Variants in TUSC3 observed in about 807,000 individuals in gnomAD.
TUSC3 encodes the protein tumor suppressor candidate 3, also known as dolichyl-diphosphooligosaccharide--protein glycosyltransferase subunit TUSC3.
Under a neutral mutation model 44.8 loss-of-function variants are expected in TUSC3, and 45 were observed. The ratio of observed to expected loss-of-function variants is 1.00; its 90% CI spans 0.79 to 1.29. The LOEUF is 1.29. Among genes scored for constraint, TUSC3 ranks in the 50% most tolerant of loss-of-function variants. TUSC3 has a pLI of 0.00. For missense variants in TUSC3, 519 were observed against 437.9 expected (o/e 1.19, Z -1.65); for synonymous variants, 212 against 152.9 (o/e 1.39, Z -2.85).
At chr8:15,700,387 C>G (rs1289143914) in intron 6 of TUSC3, among the ~76,000 whole-genome samples, 1 of 152,078 alleles carries the variant, frequency 6.6e-6, no homozygotes, top group Non-Finnish European at 1.5e-5. Flanking sequence ...CAGTTAATTT[C>G]TGATAGAATA....
chr8:15,441,808 T>G (rs1433883440), intron 1 of TUSC3, among the ~76,000 whole-genome samples: 1 of 152,156 alleles, frequency 6.6e-6, no homozygotes, highest in Admixed American at 6.5e-5. Context: ...ACCCAGCAGG[T>G]GGGATGATAT....
chr8:15,715,827 G>C (rs1478351215), intron 6 of TUSC3, among the ~76,000 whole-genome samples: 1 of 152,018 alleles, frequency 6.6e-6, no homozygotes, highest in Non-Finnish European at 1.5e-5. Context: ...ATTCTCATTT[G>C]TTTTTCCTAA....
At chr8:15,609,650 G>A (rs1804677622) in intron 1 of TUSC3, among the ~76,000 whole-genome samples, 1 of 151,968 alleles carries the variant, frequency 6.6e-6, no homozygotes, top group Admixed American at 6.6e-5. Flanking sequence ...AGTCTTCAGA[G>A]AAAGTATCAT....
intron 1 of TUSC3, among the ~76,000 whole-genome samples, chr8:15,542,976 C>G (rs997674988): frequency 6.6e-6 from 1 of 152,146 alleles, no homozygotes; most frequent in African/African-American, 2.4e-5. Context: ...AATAAGCATG[C>G]GTATCTCTGA....
At chr8:15,687,946 A>G (rs963759121) in intron 6 of TUSC3, among the ~76,000 whole-genome samples, 3 of 152,196 alleles carry the variant, frequency 2.0e-5, no homozygotes, top group Non-Finnish European at 4.4e-5. Flanking sequence ...TTAATATGTC[A>G]AACTTCATCT....
At chr8:15,752,955 T>G (rs1811768111) in intron 9 of TUSC3, among the ~76,000 whole-genome samples, 1 of 151,992 alleles carries the variant, frequency 6.6e-6, no homozygotes, top group Admixed American at 6.6e-5. Flanking sequence ...ATTCTTGAAC[T>G]TGGTACAAAT....
intron 6 of TUSC3, among the ~76,000 whole-genome samples, chr8:15,697,026 G>A (rs1809199644): frequency 6.6e-6 from 1 of 152,070 alleles, no homozygotes. Context: ...CATCTTGCCA[G>A]GAACTTAACC....
At chr8:15,484,852 G>A (rs1800714730) in intron 2 of TUSC3, among the ~76,000 whole-genome samples, 1 of 152,028 alleles carries the variant, frequency 6.6e-6, no homozygotes, top group Admixed American at 6.6e-5. Context: ...ATAGAGAAAT[G>A]GAAAACTTCA....
At chr8:15,761,080 G>A (rs1471823530) in intron 10 of TUSC3, among the ~76,000 whole-genome samples, 4 of 152,114 alleles carry the variant, frequency 2.6e-5, no homozygotes, top group Admixed American at 6.6e-5. Context: ...GTACACAATG[G>A]TTGTTAAATG....
intron 6 of TUSC3, among the ~76,000 whole-genome samples, chr8:15,692,301 C>G (rs1171408449): frequency 7.4e-6 from 1 of 135,036 alleles, no homozygotes; most frequent in Non-Finnish European, 1.6e-5. Context: ...TGTTGTTTCT[C>G]TGTTAGTTTT....
At chr8:15,686,446 TTGC>T (rs1380500470) in intron 6 of TUSC3, among the ~76,000 whole-genome samples, 1 of 152,112 alleles carries the variant, frequency 6.6e-6, no homozygotes, top group Non-Finnish European at 1.5e-5. Context: ...GAACATTTTA[TTGC>T]AAAATGACCT....
chr8:15,573,234 GT>G (rs1309149697), intron 1 of TUSC3, among the ~76,000 whole-genome samples: 3,759 of 68,476 alleles, frequency 0.055, 202 homozygotes, highest in African/African-American at 0.16. Context: ...ATATATAAAA[GT>G]TTTTTTTTTT....
intron 1 of TUSC3, among the ~76,000 whole-genome samples, chr8:15,611,552 A>G (rs1804762286): frequency 6.6e-6 from 1 of 152,200 alleles, no homozygotes; most frequent in South Asian, 2.1e-4. Flanking sequence ...TTATCTCTAG[A>G]GAGACCATGA....
chr8:15,705,927 C>A (rs1809597091), intron 6 of TUSC3, among the ~76,000 whole-genome samples: 1 of 152,152 alleles, frequency 6.6e-6, no homozygotes, highest in African/African-American at 2.4e-5. Context: ...GTAACAGAGG[C>A]ATCCATTTTA....
At chr8:15,686,720 G>A (rs959005264) in intron 6 of TUSC3, among the ~76,000 whole-genome samples, 6 of 151,986 alleles carry the variant, frequency 3.9e-5, no homozygotes, top group African/African-American at 1.4e-4. Context: ...CTTTATTACA[G>A]TCTTCATACC....
At chr8:15,814,460 C>G in the TUSC3 span, among the ~76,000 whole-genome samples, 1 of 152,150 alleles carries the variant, frequency 6.6e-6, no homozygotes, top group Non-Finnish European at 1.5e-5. Context: ...TGATTTTAAG[C>G]TACTCCAACG....
chr8:15,426,096 G>A (rs1329564082), intron 1 of TUSC3, among the ~76,000 whole-genome samples: 1 of 152,178 alleles, frequency 6.6e-6, no homozygotes. Context: ...GTATTTAGGT[G>A]TAATTGACAG....
At chr8:15,450,391 A>G (rs544094588) in intron 1 of TUSC3, among the ~76,000 whole-genome samples, 2 of 151,702 alleles carry the variant, frequency 1.3e-5, no homozygotes, top group Admixed American at 6.6e-5. Context: ...GTGCTATTTA[A>G]AAGTATACAG....
chr8:15,483,135 G>A (rs1169566298), intron 1 of TUSC3, among the ~76,000 whole-genome samples: 1 of 152,108 alleles, frequency 6.6e-6, no homozygotes, highest in Non-Finnish European at 1.5e-5. Flanking sequence ...AGAGGAAAGT[G>A]TTAACAGCAT....
Sources: gnomAD v4.1 joint callset for allele counts (sites outside exome capture counted in the v4.1 genomes callset) on GRCh38, gnomAD v4.1.1 for gene constraint, MANE v1.5 for transcripts, NCBI Gene and HGNC (gene_info 2026-07-23, HGNC 2026-07-21) for gene names.